Variants in BMPR1B observed in about 807,000 individuals in gnomAD.
BMPR1B encodes bone morphogenetic protein receptor type-1B.
A neutral mutation model predicts 59.1 loss-of-function variants in BMPR1B; 12 were observed. The observed-to-expected ratio is 0.20, with a 90% confidence interval of 0.13 to 0.33. The LOEUF (loss-of-function observed/expected upper bound fraction) is 0.33. BMPR1B is among the 10% of genes least tolerant of loss of function. The pLI is 1.00. For synonymous variants in BMPR1B, 237 were observed against 207.3 expected (o/e 1.14, Z -1.23); for missense variants, 550 against 610.9 (o/e 0.90, Z 1.05).
chr4:94,852,626 A>G (rs984699460), intron 1 of BMPR1B, among the ~76,000 whole-genome samples: 2 of 152,042 alleles, frequency 1.3e-5, no homozygotes, highest in African/African-American at 2.4e-5. Flanking sequence ...AATCAGTAGC[A>G]TTTTCTTCTT....
At chr4:94,915,724 C>A (rs1467309884) in intron 2 of BMPR1B, among the ~76,000 whole-genome samples, 2 of 152,172 alleles carry the variant, frequency 1.3e-5, no homozygotes, top group African/African-American at 4.8e-5. Flanking sequence ...TGTGTACAAT[C>A]ACGTTTGGTC....
chr4:94,874,988 G>T (rs375105080), intron 1 of BMPR1B, among the ~76,000 whole-genome samples: 1 of 151,948 alleles, frequency 6.6e-6, no homozygotes, highest in African/African-American at 2.4e-5. Context: ...GCGAGACACC[G>T]TCTCAAAAAA....
At chr4:95,123,662 T>C in intron 6 of BMPR1B, 148 bp from the exon 7 acceptor site, 1 of 643,908 alleles carries the variant, frequency 1.6e-6, no homozygotes, top group Admixed American at 2.8e-5. Context: ...TGAGTATATA[T>C]GGGTTTTTAA....
intron 1 of BMPR1B, among the ~76,000 whole-genome samples, chr4:94,810,451 G>A (rs899413028): frequency 2.0e-5 from 3 of 151,984 alleles, no homozygotes; most frequent in Non-Finnish European, 4.4e-5. Context: ...TTAAAAAATC[G>A]GTGCAAGGGG....
At chr4:94,921,347 C>T (rs1377980019) in intron 2 of BMPR1B, among the ~76,000 whole-genome samples, 3 of 152,064 alleles carry the variant, frequency 2.0e-5, no homozygotes, top group Non-Finnish European at 2.9e-5. Context: ...TCTTGCATTG[C>T]TAGAAAGAAA....
chr4:94,939,728 G>A (rs1186998802), intron 2 of BMPR1B, among the ~76,000 whole-genome samples: 1 of 151,992 alleles, frequency 6.6e-6, no homozygotes, highest in Non-Finnish European at 1.5e-5. Context: ...TTGTTCTTTT[G>A]CATTTTTTAG....
chr4:94,898,775 TA>T (rs1330077335), intron 2 of BMPR1B, among the ~76,000 whole-genome samples: 7 of 152,032 alleles, frequency 4.6e-5, no homozygotes, highest in African/African-American at 9.7e-5. Flanking sequence ...TCCAGCACAC[TA>T]AAATAGGATC....
intron 9 of BMPR1B, 90 bp downstream of exon 9, chr4:95,130,144 A>T (rs1229868658): frequency 1.4e-6 from 2 of 1,473,700 alleles, no homozygotes; most frequent in Non-Finnish European, 1.9e-6. Flanking sequence ...ATCTGTCTAG[A>T]CCCGTTGCGA....
At chr4:94,978,916 A>G (rs958291736) in intron 2 of BMPR1B, among the ~76,000 whole-genome samples, 2 of 151,450 alleles carry the variant, frequency 1.3e-5, no homozygotes, top group African/African-American at 4.9e-5. Context: ...CACACCTTAC[A>G]TGGTGGCAGA....
intron 3 of BMPR1B, among the ~76,000 whole-genome samples, chr4:95,052,184 T>C (rs1726556167): frequency 1.3e-5 from 2 of 152,208 alleles, no homozygotes; most frequent in Admixed American, 6.5e-5. Flanking sequence ...AAGTTCATCA[T>C]CATTTTTATA....
chr4:94,824,131 A>T (rs4699740), intron 1 of BMPR1B, among the ~76,000 whole-genome samples: 120,282 of 152,212 alleles, frequency 0.79, 47,817 homozygotes, highest in East Asian at 0.91. Context: ...TGAAATGTTT[A>T]ATTGATCTAA....
At position 95,074,341 on chromosome 4, in the gene BMPR1B, A is replaced by AT. The variant is rs1419835964; in HGVS notation, c.-17-30066dup. On this transcript the variant is annotated intron_variant, in intron 3 of 12. Transcript: ENST00000515059. ...AGTTAATACATGAAAAATACTTAGA[A>AT]TAGTGCCTGGAACGCTGGTTTTGTT... is the stretch of plus-strand genomic sequence containing the variant. Among the ~76,000 whole-genome samples the AT allele has an allele frequency of 2.0e-5, 3 of 152,212 alleles. No individual in the cohort carries two copies. The East Asian group carries it at 5.8e-4, about 29-fold the overall frequency.
At chr4:94,851,602 A>G (rs1214214392) in intron 1 of BMPR1B, among the ~76,000 whole-genome samples, 1 of 152,094 alleles carries the variant, frequency 6.6e-6, no homozygotes, top group Non-Finnish European at 1.5e-5. Flanking sequence ...CTCATAGTCC[A>G]GTAACTGATA....
chr4:95,149,667 A>G (rs1309137867), intron 11 of BMPR1B, among the ~76,000 whole-genome samples: 1 of 152,106 alleles, frequency 6.6e-6, no homozygotes, highest in Non-Finnish European at 1.5e-5. Context: ...ATGTTATTCC[A>G]TGGTTGTGCT....
intron 3 of BMPR1B, among the ~76,000 whole-genome samples, chr4:95,072,615 AAACT>A (rs1399956783): frequency 6.6e-6 from 1 of 152,184 alleles, no homozygotes; most frequent in Non-Finnish European, 1.5e-5. Context: ...ATGTATATTG[AAACT>A]AACTATATGG....
chr4:94,808,255 G>T (rs1723685103), intron 1 of BMPR1B, among the ~76,000 whole-genome samples: 1 of 152,066 alleles, frequency 6.6e-6, no homozygotes, highest in South Asian at 2.1e-4. Context: ...TTAGACAGAA[G>T]AAAAATTACC....
In BMPR1B at chr4:94,761,169, C is replaced by G. The variant is rs112285995; in HGVS notation, c.-183+3101C>G. ...GAAGCTGTAAGTTTTACTCTAAACT[C>G]TGAAGATTTCTTTTCATGTCATCCA... On this transcript the variant is annotated intron_variant, in intron 1 of 12. Transcript: ENST00000515059. Among the ~76,000 whole-genome samples, 882 of 152,236 alleles carry G rather than the reference C, an allele frequency of 5.8e-3. 4 individuals are homozygous for G. The highest frequency in any genetic ancestry group is 0.02 in the African/African-American group (849 of 41,518).
At chr4:95,091,276 T>TTTTGTTTTGTTTTG (rs1560645858) in intron 3 of BMPR1B, among the ~76,000 whole-genome samples, 22 of 145,090 alleles carry the variant, frequency 1.5e-4, no homozygotes, top group African/African-American at 5.6e-4. Flanking sequence ...TTTTCTTTTT[T>TTTTGTTTTGTTTTG]TTTTGTTTTG....
chr4:95,018,383 A>G (rs1012825623), intron 3 of BMPR1B, among the ~76,000 whole-genome samples: 2 of 152,196 alleles, frequency 1.3e-5, no homozygotes, highest in Non-Finnish European at 2.9e-5. Flanking sequence ...TATTTCCAGA[A>G]AACAAATAAT....
Sources: gnomAD v4.1 joint callset for allele counts (sites outside exome capture counted in the v4.1 genomes callset) on GRCh38, gnomAD v4.1.1 for gene constraint, MANE v1.5 for transcripts, NCBI Gene and HGNC (gene_info 2026-07-23, HGNC 2026-07-21) for gene names.